Variants in NUP210 observed in about 807,000 individuals in gnomAD.
NUP210 encodes the protein nucleoporin 210.
In NUP210, 151 loss-of-function variants were observed where a neutral mutation model predicts 196.0. That is an observed-to-expected ratio of 0.77 (90% confidence interval 0.67 to 0.88). The LOEUF (loss-of-function observed/expected upper bound fraction) is 0.88. NUP210 is among the 40% of genes least tolerant of loss of function. The pLI, the probability that NUP210 is intolerant of heterozygous loss-of-function variation, is 0.00. For missense variants in NUP210, 2,314 were observed against 2,493.7 expected, an observed-to-expected ratio of 0.93 and a Z score of 1.53; for synonymous variants, 1,070 against 1,052.7, an observed-to-expected ratio of 1.02 and a Z score of -0.32.
At chr3:13,383,853 ATC>A (rs1559339101) in intron 6 of NUP210, among the ~76,000 whole-genome samples, 3 of 151,470 alleles carry the variant, frequency 2.0e-5, no homozygotes, top group Non-Finnish European at 4.4e-5. Flanking sequence ...AAGTCAGCCC[ATC>A]CCCTCTTAAC....
chr3:13,332,016 T>TG lies in NUP210; in HGVS notation c.3935+276dup, dbSNP rs149506305. ...TTGAAACACAACATTTCTAAGCTGG[T>TG]GTTTTTTTCCCTTTTAAAGACTGAA... is the stretch of plus-strand genomic sequence containing the variant. On this transcript the variant is annotated intron_variant, in intron 29 of 39. Coordinates refer to ENST00000254508, the MANE Select transcript of NUP210 (RefSeq NM_024923.4). Among the ~76,000 whole-genome samples, 416 of 152,266 alleles carry TG rather than the reference T, an allele frequency of 2.7e-3. 3 individuals are homozygous for TG. The highest frequency in any genetic ancestry group is 9.8e-3 in the African/African-American group (407 of 41,560).
chr3:13,413,234 G>A (rs1374111630), intron 1 of NUP210, among the ~76,000 whole-genome samples: 1 of 152,040 alleles, frequency 6.6e-6, no homozygotes, highest in African/African-American at 2.4e-5. Flanking sequence ...TTGGGAGGCC[G>A]AGACGGGCGG....
Position 13,332,388 on chromosome 3 carries a change from C to G in NUP210, c.3844-4G>C. 6.2e-7 allele frequency: 1 copy of G among 1,610,068 alleles called. No homozygotes were observed. Among genetic ancestry groups the G allele is most frequent in the Non-Finnish European group, 8.5e-7 (1 of 1,177,324 alleles). On this transcript the variant is annotated splice_region_variant and splice_polypyrimidine_tract_variant and intron_variant, in intron 28 of 39. Transcript: ENST00000254508. ...GCAGCTGCAGCTTCTCAAACACCTG[C>G]AAGAGAGGGCAAGTTTCACTTCCGA...
intron 4 of NUP210, among the ~76,000 whole-genome samples, chr3:13,390,459 G>A (rs1699451505): frequency 6.6e-6 from 1 of 152,248 alleles, no homozygotes; most frequent in South Asian, 2.1e-4. Flanking sequence ...GAGGACCCGC[G>A]TGGCTCTGCT....
intron 1 of NUP210, among the ~76,000 whole-genome samples, chr3:13,410,695 A>G (rs912641801): frequency 1.3e-5 from 2 of 151,100 alleles, no homozygotes; most frequent in Non-Finnish European, 1.5e-5. Context: ...AGGCGGGTGG[A>G]TCACGAGGTC....
chr3:13,403,667 G>A (rs952321099), intron 1 of NUP210, among the ~76,000 whole-genome samples: 4 of 152,296 alleles, frequency 2.6e-5, no homozygotes, highest in Admixed American at 2.0e-4. Context: ...TCTGACCCCT[G>A]CCCAGGCTCT....
chr3:13,369,871 C>T (rs1698667506), intron 13 of NUP210, among the ~76,000 whole-genome samples: 1 of 152,198 alleles, frequency 6.6e-6, no homozygotes, highest in Non-Finnish European at 1.5e-5. Context: ...ATGGGACCGC[C>T]AAGTCCAACT....
At chr3:13,371,683 C>G in intron 13 of NUP210, 151 bp downstream of exon 13, 3 of 714,036 alleles carry the variant, frequency 4.2e-6, no homozygotes, top group Non-Finnish European at 7.1e-6. Context: ...CAGGAACAGA[C>G]TGTGGATCAG....
In NUP210 at chr3:13,332,298, T is replaced by C. The variant is rs1697027793; in HGVS notation, c.3930A>G (p.Thr1310=). The C allele has an allele frequency of 6.2e-7, 1 of 1,613,080 alleles. No individual in the cohort carries two copies. The highest frequency in any genetic ancestry group is 8.5e-7 in the Non-Finnish European group (1 of 1,179,054). ...ACAAGAGCTGAGTCACGTACCTGTT[T>C]GTCTGCAGCTTTATATATGAGTTGG... The part of the protein sequence containing the change: ...MSPNSYIKLQ[T]NRDGAASLSY... The change falls in exon 29 of 40, where the codon ACA becomes ACG. Residue 1310 remains threonine, a synonymous_variant. Transcript: ENST00000254508.
At chr3:13,385,686 C>T (rs918021232) in intron 6 of NUP210, among the ~76,000 whole-genome samples, 1 of 152,190 alleles carries the variant, frequency 6.6e-6, no homozygotes, top group Non-Finnish European at 1.5e-5. Flanking sequence ...GGCATATACC[C>T]CAAAGAATTT....
At chr3:13,351,689 G>A (rs1697978510) in intron 20 of NUP210, 190 bp downstream of exon 20, 2 of 559,770 alleles carry the variant, frequency 3.6e-6, no homozygotes, top group Non-Finnish European at 6.3e-6. Flanking sequence ...TAGAGATGGG[G>A]GTCTCACTAT....
chr3:13,336,178 C>A (rs1455884835), intron 27 of NUP210, among the ~76,000 whole-genome samples: 1 of 152,180 alleles, frequency 6.6e-6, no homozygotes, highest in African/African-American at 2.4e-5. Context: ...AGGCCTCCAT[C>A]CCCACTGTCC....
At chr3:13,335,275 C>G (rs544490390) in intron 28 of NUP210, among the ~76,000 whole-genome samples, 179 bp downstream of exon 28, 5 of 152,284 alleles carry the variant, frequency 3.3e-5, no homozygotes, top group Non-Finnish European at 5.9e-5. Flanking sequence ...CTCTGGGCTC[C>G]CATAGCACCA....
rs1394461759 is a variant in NUP210 at position 13,350,622 on chromosome 3, T to G, written c.2835+1257A>C. Among the ~76,000 whole-genome samples the G allele has an allele frequency of 4.0e-5, 6 of 151,856 alleles. No homozygotes were observed. The highest frequency in any genetic ancestry group is 5.9e-5 in the Non-Finnish European group (4 of 68,002). On this transcript the variant is annotated intron_variant, in intron 20 of 39. Coordinates refer to ENST00000254508, the MANE Select transcript of NUP210 (RefSeq NM_024923.4). This position sits in a 1 kb window ranked among gnomAD's most constrained non-coding sequence, Gnocchi z 4.1. ...ACGATGAAGGGAGTAAAGGAAGATT[T>G]GATAACAATCTCATATCAAACAGCG...
intron 3 of NUP210, among the ~76,000 whole-genome samples, chr3:13,396,369 T>C (rs1236852706): frequency 6.6e-6 from 1 of 152,076 alleles, no homozygotes; most frequent in Non-Finnish European, 1.5e-5. Flanking sequence ...TGAGCCTTGG[T>C]TTGGACTTGG....
Position 13,351,045 on chromosome 3 carries a change from T to C in NUP210, c.2835+834A>G, listed in dbSNP as rs372986395. On this transcript the variant is annotated intron_variant, in intron 20 of 39. Coordinates refer to ENST00000254508, the MANE Select transcript of NUP210 (RefSeq NM_024923.4). Reference sequence around the variant, plus strand: ...ATAACAGCTGAAATGAAAAATTCACTAGAAGCGCACAAGAGTAGATTTAAA... The same window carrying C: ...ATAACAGCTGAAATGAAAAATTCACCAGAAGCGCACAAGAGTAGATTTAAA... Among the ~76,000 whole-genome samples the C allele has an allele frequency of 2.9e-4, 44 of 152,314 alleles. No homozygotes were observed. In the South Asian group the frequency reaches 8.3e-3, roughly 29 times the overall value.
intron 16 of NUP210, 93 bp downstream of exon 16, chr3:13,358,129 T>C: frequency 8.7e-7 from 1 of 1,150,564 alleles, no homozygotes; most frequent in Non-Finnish European, 1.3e-6. Flanking sequence ...GCTATGTCCG[T>C]TGCAATGCTC....
chr3:13,368,903 T>C (rs750903924), intron 13 of NUP210, among the ~76,000 whole-genome samples: 2 of 152,240 alleles, frequency 1.3e-5, no homozygotes, highest in Non-Finnish European at 2.9e-5. Flanking sequence ...GGTGCACAAA[T>C]ACCTCTTTCG....
intron 20 of NUP210, among the ~76,000 whole-genome samples, chr3:13,351,496 T>C (rs531483168): frequency 6.6e-6 from 1 of 152,286 alleles, no homozygotes; most frequent in African/African-American, 2.4e-5. Flanking sequence ...CAGCTTTTTT[T>C]TGGAGACAGG....
Sources: gnomAD v4.1 joint callset for allele counts (sites outside exome capture counted in the v4.1 genomes callset) on GRCh38, gnomAD v4.1.1 for gene constraint, Gnocchi (gnomAD v3.1) non-coding constraint, MANE v1.5 for transcripts, NCBI Gene and HGNC (gene_info 2026-07-23, HGNC 2026-07-21) for gene names.